KLHL15: variants seen among roughly 807,000 people sequenced by gnomAD.
KLHL15 encodes the protein kelch-like protein 15.
In KLHL15, 1 loss-of-function variant was observed where a neutral mutation model predicts 29.3. That is an observed-to-expected ratio of 0.03 (90% CI 0.01 to 0.16). KLHL15 has a LOEUF of 0.16. Ranked by LOEUF, KLHL15 falls within the 10% of genes least tolerant of loss-of-function variation. The pLI, the probability that KLHL15 is intolerant of heterozygous loss-of-function variation, is 1.00. For synonymous variants in KLHL15, 212 were observed against 184.5 expected, an observed-to-expected ratio of 1.15 and a Z score of -1.21; for missense variants, 215 against 478.5, an observed-to-expected ratio of 0.45 and a Z score of 5.14.
rs139505434 is a variant in KLHL15, at chrX:24,010,057, A to G, written c.-7-3357T>C. ...TCTTTCACACCTCTTCAATGTTCACATAAGATCAGCCATCCAAAAACTGTA... is the reference window on the plus strand; with the variant it reads ...TCTTTCACACCTCTTCAATGTTCACGTAAGATCAGCCATCCAAAAACTGTA... On this transcript the variant is annotated intron_variant, in intron 2 of 3. Coordinates refer to ENST00000328046, the MANE Select transcript of KLHL15 (RefSeq NM_030624.3). Among the ~76,000 whole-genome samples the G allele has an allele frequency of 1.2e-3, 127 of 109,785 alleles. No homozygotes were observed. The East Asian group carries it at 0.028, about 24-fold the overall frequency.
Position 23,987,853 on chromosome X carries a change from T to A in KLHL15, c.*68A>T. On this transcript the variant is annotated 3_prime_UTR_variant, in exon 4 of 4. Transcript: ENST00000328046. The stretch of plus-strand genomic sequence containing the variant: ...AAAACTGGTGAGGTTTTTCTTTATA[T>A]GTTTTAATTAATTACTCTGTGCAAA... The A allele has an allele frequency of 3.0e-6, 3 of 1,002,616 alleles. No homozygotes were observed. The East Asian group carries it at 9.2e-5, about 31-fold the overall frequency. 82.6% of individuals were successfully genotyped at this position (1,002,616 alleles called of 1,213,427 possible). A position where few individuals can be genotyped will look rare whatever the true frequency, so the allele number is the denominator to read the frequency against.
At chrX:23,996,219 C>T (rs760994613) in intron 3 of KLHL15, among the ~76,000 whole-genome samples, 1 of 111,822 alleles carries the variant, frequency 8.9e-6, no homozygotes, top group South Asian at 3.7e-4. Flanking sequence ...CCTCTCTGGC[C>T]CTTTCTACAT....
chrX:23,996,450 G>A (rs1441205207), intron 3 of KLHL15, among the ~76,000 whole-genome samples: 3 of 111,861 alleles, frequency 2.7e-5, no homozygotes, highest in African/African-American at 9.8e-5. Context: ...GGATCATGAG[G>A]TCAGGAGTTC....
chrX:24,022,731 T>TG (rs1398240754), intron 2 of KLHL15, among the ~76,000 whole-genome samples: 1 of 109,682 alleles, frequency 9.1e-6, no homozygotes, highest in Non-Finnish European at 1.9e-5. Context: ...GGTTTTTTTT[T>TG]TTTTTGAGAC....
At chrX:23,992,032 G>GT (rs1329492750) in intron 3 of KLHL15, among the ~76,000 whole-genome samples, 1 of 111,760 alleles carries the variant, frequency 8.9e-6, no homozygotes, top group African/African-American at 3.2e-5. Flanking sequence ...AAATATTTAA[G>GT]TGCCTACTGT....
intron 2 of KLHL15, among the ~76,000 whole-genome samples, chrX:24,018,705 T>C (rs2147110802): frequency 8.9e-6 from 1 of 111,736 alleles, no homozygotes; most frequent in South Asian, 3.8e-4. Flanking sequence ...AATAATTTTT[T>C]TAAAGTTATT....
intron 2 of KLHL15, among the ~76,000 whole-genome samples, chrX:24,024,630 T>G (rs1602021755): frequency 8.8e-6 from 1 of 113,133 alleles, no homozygotes; most frequent in African/African-American, 3.2e-5. Flanking sequence ...AGCTGTGTGC[T>G]GCAAAAAATG....
At chrX:24,021,588 T>C (rs1331248090) in intron 2 of KLHL15, among the ~76,000 whole-genome samples, 1 of 112,508 alleles carries the variant, frequency 8.9e-6, no homozygotes, top group Admixed American at 9.5e-5. Flanking sequence ...ACATAATAAG[T>C]GCTTAATAAA....
At chrX:24,013,342 A>G (rs1040336672) in intron 2 of KLHL15, among the ~76,000 whole-genome samples, 1 of 111,012 alleles carries the variant, frequency 9.0e-6, no homozygotes, top group Non-Finnish European at 1.9e-5. Flanking sequence ...CACTCACTGC[A>G]ACCTCCACCT....
At chrX:23,997,214 GAATA>G (rs1929208646) in intron 3 of KLHL15, among the ~76,000 whole-genome samples, 1 of 112,284 alleles carries the variant, frequency 8.9e-6, no homozygotes, top group African/African-American at 3.2e-5. Flanking sequence ...AATACTTAAA[GAATA>G]AATGTGCTTA....
At chrX:24,026,518 G>A (rs1461797654) in intron 1 of KLHL15, among the ~76,000 whole-genome samples, 2 of 111,002 alleles carry the variant, frequency 1.8e-5, no homozygotes, top group Admixed American at 9.6e-5. Context: ...CTTAAATTAG[G>A]GCATCCATTG....
In KLHL15 at chrX:23,984,404, C is replaced by A. The variant is rs908343975; in HGVS notation, c.*3517G>T. ...ATGTAATTGAACAAACATATGATCT[C>A]TCAAAATGTTCAGAATACAAAAACA... is the stretch of plus-strand genomic sequence containing the variant. On this transcript the variant is annotated 3_prime_UTR_variant, in exon 4 of 4. Coordinates refer to ENST00000328046, the MANE Select transcript of KLHL15 (RefSeq NM_030624.3). The A allele has an allele frequency of 4.5e-5, 5 of 111,926 alleles. No homozygotes were observed. The highest frequency in any genetic ancestry group is 2.9e-4 in the Admixed American group (3 of 10,484). The allele number at this position is 111,926 out of a possible 1,213,427, so 9.2% of individuals were successfully genotyped here.
chrX:24,025,560 C>A (rs1384122674), intron 1 of KLHL15, among the ~76,000 whole-genome samples: 4 of 108,281 alleles, frequency 3.7e-5, no homozygotes, highest in African/African-American at 1.0e-4. Flanking sequence ...GGGAGCTGGC[C>A]CGGGAGGCCC....
intron 2 of KLHL15, among the ~76,000 whole-genome samples, chrX:24,010,297 A>G (rs1174085253): frequency 1.8e-5 from 2 of 111,594 alleles, no homozygotes; most frequent in African/African-American, 6.5e-5. Context: ...AGACCTTACC[A>G]TATCAGAGCA....
At chrX:24,025,948 C>G (rs1929925406) in intron 1 of KLHL15, among the ~76,000 whole-genome samples, 1 of 111,314 alleles carries the variant, frequency 9.0e-6, no homozygotes, top group African/African-American at 3.3e-5. Flanking sequence ...GAGCGATGGG[C>G]CCTGAGCCAC....
intron 2 of KLHL15, among the ~76,000 whole-genome samples, chrX:24,019,880 T>C (rs1929769988): frequency 8.9e-6 from 1 of 112,364 alleles, no homozygotes; most frequent in Non-Finnish European, 1.9e-5. Context: ...GGCAAAATTA[T>C]AGGCAATTAA....
chrX:24,017,641 C>T (rs1454565219), intron 2 of KLHL15, among the ~76,000 whole-genome samples: 2 of 108,792 alleles, frequency 1.8e-5, no homozygotes, highest in Non-Finnish European at 3.8e-5. Context: ...ATTAGTCAGA[C>T]GTGGTGGTGT....
intron 3 of KLHL15, among the ~76,000 whole-genome samples, chrX:23,991,771 G>A (rs1210585101): frequency 1.8e-5 from 2 of 111,657 alleles, no homozygotes; most frequent in South Asian, 3.7e-4. Flanking sequence ...CCTGGGAGGC[G>A]GAGGTTGCAG....
rs764073896 is a variant in KLHL15, at chrX:24,006,649, G to A, written c.45C>T (p.Thr15=). 4 of 1,209,036 alleles carry A rather than the reference G, an allele frequency of 3.3e-6. No individual in the cohort carries two copies. Among genetic ancestry groups the A allele is most frequent in the Non-Finnish European group, 4.5e-6 (4 of 894,065 alleles). Residue 15 remains threonine, a synonymous_variant, in exon 3 of 4, where the codon ACC becomes ACT. Transcript: ENST00000328046. ...VEGFCSSIHD[T]SVSAGFRALY... ...GTGCTCTGAACCCAGCAGAGACACTGGTGTCGTGGATGGAGGAACAGAATC... is the reference window on the plus strand; with the variant it reads ...GTGCTCTGAACCCAGCAGAGACACTAGTGTCGTGGATGGAGGAACAGAATC...
Sources: allele counts gnomAD v4.1 joint callset (sites outside exome capture counted in the v4.1 genomes callset), GRCh38; gene constraint gnomAD v4.1.1; transcripts MANE v1.5; gene names NCBI Gene and HGNC (gene_info 2026-07-23, HGNC 2026-07-21).